ANKRD24: variants seen among roughly 807,000 people sequenced by gnomAD.
The protein encoded by ANKRD24 is ankyrin repeat domain-containing protein 24.
A neutral mutation model predicts 127.8 loss-of-function variants in ANKRD24; 109 were observed. The ratio of observed to expected loss-of-function variants is 0.85; its 90% CI spans 0.73 to 1.00. The LOEUF is 1.00. Among genes scored for constraint, ANKRD24 ranks in the 50% least tolerant of loss-of-function variants. The pLI is 0.00. For missense variants in ANKRD24, 1,648 were observed against 1,570.2 expected, an observed-to-expected ratio of 1.05 and a Z score of -0.84; for synonymous variants, 743 against 671.1, an observed-to-expected ratio of 1.11 and a Z score of -1.66.
rs1970215887 is a variant in ANKRD24, at chr19:4,217,967, T to G, written c.2807T>G (p.Leu936Arg). 1 of 1,516,686 alleles carries G rather than the reference T, an allele frequency of 6.6e-7. No homozygotes were observed. The highest frequency in any genetic ancestry group is 8.8e-7 in the Non-Finnish European group (1 of 1,139,868). 94.0% of individuals were successfully genotyped at this position (1,516,686 alleles called of 1,614,324 possible). A position where few individuals can be genotyped will look rare whatever the true frequency, so the allele number is the denominator to read the frequency against. ...GAGCTGCGGGGCCGGGCAGCCAGTC[T>G]GGAGCAGGAGGTGGTGGCCACGGGC... ...ALELRGRAAS[L>R]EQEVVATGKE... is the part of the protein sequence containing the mutation. Residue 936 changes from leucine (L) to arginine (R), a missense_variant, in exon 18 of 22, where the codon CTG (leucine) becomes CGG (arginine). By Grantham distance (102) the Leu-to-Arg change is moderately radical. Coordinates refer to ENST00000318934, the MANE Select transcript of ANKRD24 (RefSeq NM_001393985.1).
intron 18 of ANKRD24, 120 bp downstream of exon 18, chr19:4,218,283 T>TTTTTTTTATTTATTTATTTA (rs1970243081): frequency 3.0e-6 from 2 of 658,082 alleles, no homozygotes; most frequent in African/African-American, 3.9e-5. Context: ...ACCTACTTTA[T>TTTTTTTTATTTATTTATTTA]TTTATTTATT....
intron 2 of ANKRD24, among the ~76,000 whole-genome samples, 155 bp downstream of exon 2, chr19:4,186,616 C>T (rs765624617): frequency 6.6e-6 from 1 of 152,120 alleles, no homozygotes; most frequent in Non-Finnish European, 1.5e-5. Context: ...CACTGCTCCC[C>T]GTACAAGCTT....
Position 4,210,377 on chromosome 19 carries a change from G to A in ANKRD24, c.1059+5G>A. The A allele has an allele frequency of 6.5e-7, 1 of 1,529,950 alleles. No homozygotes were observed. The highest frequency in any genetic ancestry group is 8.8e-7 in the Non-Finnish European group (1 of 1,140,156). 94.8% of individuals were successfully genotyped at this position (1,529,950 alleles called of 1,614,324 possible). A position where few individuals can be genotyped will look rare whatever the true frequency, so the allele number is the denominator to read the frequency against. ...AAGGAACGGAGGCAGCAGGAGGTTA[G>A]GAGGCCTCGGAGATTTGGGCGTGGG... On this transcript the variant is annotated splice_donor_5th_base_variant and intron_variant, in intron 13 of 21. Coordinates refer to ENST00000318934, the MANE Select transcript of ANKRD24 (RefSeq NM_001393985.1).
chr19:4,218,753 C>CTTT (rs556461670), intron 18 of ANKRD24, among the ~76,000 whole-genome samples: 166 of 110,220 alleles, frequency 1.5e-3, no homozygotes, highest in African/African-American at 5.7e-3. Context: ...CCCTTCCTTT[C>CTTT]TTTTTTTTTT....
chr19:4,217,855 C>T lies in ANKRD24; in HGVS notation c.2695C>T (p.Leu899=). 1 of 1,452,030 alleles carries T rather than the reference C, an allele frequency of 6.9e-7. No individual in the cohort carries two copies. The highest frequency in any genetic ancestry group is 9.0e-7 in the Non-Finnish European group (1 of 1,108,602). The allele number at this position is 1,452,030 out of a possible 1,614,324, so 89.9% of individuals were successfully genotyped here. The change falls in exon 18 of 22, where the codon CTG becomes TTG. Residue 899 remains leucine, a synonymous_variant. Transcript: ENST00000318934. The part of the protein sequence containing the change: ...PAACEEARQG[L]AELREASEAL... ...GGCCTGCGAGGAGGCGCGGCAGGGC[C>T]TGGCCGAGCTGCGGGAGGCCTCCGA...
At chr19:4,191,607 G>A (rs943075431) in intron 2 of ANKRD24, among the ~76,000 whole-genome samples, 3 of 151,404 alleles carry the variant, frequency 2.0e-5, no homozygotes, top group African/African-American at 7.3e-5. Flanking sequence ...TCAGCCTCCC[G>A]TGTAGCTGGG....
At chr19:4,219,290 A>C (rs2145413270) in intron 18 of ANKRD24, among the ~76,000 whole-genome samples, 1 of 151,664 alleles carries the variant, frequency 6.6e-6, no homozygotes, top group Non-Finnish European at 1.5e-5. Flanking sequence ...TGTCTCAAAA[A>C]AAAACAAAAA....
At chr19:4,209,981 TG>T in intron 11 of ANKRD24, 76 bp from the exon 12 acceptor site, 1 of 801,832 alleles carries the variant, frequency 1.2e-6, no homozygotes, top group Non-Finnish European at 2.1e-6. Context: ...TGGGGCTGGC[TG>T]GGTTGGTTTA....
At chr19:4,215,204 G>C (rs1219262887) in intron 15 of ANKRD24, among the ~76,000 whole-genome samples, 1 of 152,144 alleles carries the variant, frequency 6.6e-6, no homozygotes, top group African/African-American at 2.4e-5. Flanking sequence ...TTAAAAATGG[G>C]GGCAGGCTCG....
chr19:4,207,270 GGT>G lies in ANKRD24; in HGVS notation c.497_498del (p.Val166AlafsTer5). 6.2e-7 allele frequency: 1 copy of G among 1,613,738 alleles called. No individual in the cohort carries two copies. ...AAGGCLSCSE[V>X]LCSFKAHLNP... ...CTGGTGGCTGTCTCTCCTGCTCAGA[GGT>G]GCTCTGCTCCTTTAAGGCACATCTA... is the stretch of plus-strand genomic sequence containing the variant. On this transcript the variant is annotated frameshift_variant, in exon 8 of 22. Coordinates refer to ENST00000318934, the MANE Select transcript of ANKRD24 (RefSeq NM_001393985.1). LOFTEE classifies it high-confidence loss of function.
rs185442293 is a variant in ANKRD24 at position 4,185,275 on chromosome 19, C to T, written c.-36-1115C>T. On this transcript the variant is annotated intron_variant, in intron 1 of 21. Coordinates refer to ENST00000318934, the MANE Select transcript of ANKRD24 (RefSeq NM_001393985.1). ...ATCTGATTAAAGGGTGATGAAGAACCATGAGAACATGAATTGGGTGGGTGG... is the reference window on the plus strand; with the variant it reads ...ATCTGATTAAAGGGTGATGAAGAACTATGAGAACATGAATTGGGTGGGTGG... 6.8e-4 allele frequency among the ~76,000 whole-genome samples: 101 copies of T among 149,618 alleles called. 2 individuals are homozygous for T. Among genetic ancestry groups the T allele is most frequent in the Middle Eastern group, 6.9e-3 (2 of 290 alleles).
At chr19:4,221,296 C>T (rs751314723) in intron 19 of ANKRD24, among the ~76,000 whole-genome samples, 97 of 152,054 alleles carry the variant, frequency 6.4e-4, no homozygotes, top group Non-Finnish European at 8.1e-4. Flanking sequence ...AGGCTGGTCT[C>T]GAACTCCCGA....
chr19:4,201,929 A>T, intron 5 of ANKRD24, 97 bp from the exon 6 acceptor site: 1 of 1,064,110 alleles, frequency 9.4e-7, no homozygotes, highest in South Asian at 1.3e-5. Context: ...ACTTTGCTAG[A>T]CTCAGAAACT....
At position 4,199,149 on chromosome 19, in the gene ANKRD24, C is replaced by T. The variant is rs1207664990; in HGVS notation, c.37-534C>T. Among the ~76,000 whole-genome samples, 1 of 151,904 alleles carries T rather than the reference C, an allele frequency of 6.6e-6. No individual in the cohort carries two copies. The highest frequency in any genetic ancestry group is 2.4e-5 in the African/African-American group (1 of 41,344). ...CATTTAAAGGGGACTTTTAGGGGTT[C>T]AGATGGGACTTTGGAGGGTAGTTTG... On this transcript the variant is annotated intron_variant, in intron 2 of 21. Coordinates refer to ENST00000318934, the MANE Select transcript of ANKRD24 (RefSeq NM_001393985.1). This position sits in a 1 kb window ranked among gnomAD's most constrained non-coding sequence, Gnocchi z 5.2.
rs1022299304 is a variant in ANKRD24, at chr19:4,198,626, C to A, written c.37-1057C>A. The stretch of plus-strand genomic sequence containing the variant: ...CCCCGGCTGACCTGGACCACCCCCC[C>A]ATTCCAGACCCGGGAAAGATGGTCG... On this transcript the variant is annotated intron_variant, in intron 2 of 21. Coordinates refer to ENST00000318934, the MANE Select transcript of ANKRD24 (RefSeq NM_001393985.1). This position sits in a 1 kb window ranked among gnomAD's most constrained non-coding sequence, Gnocchi z 6.1. 3.2e-5 allele frequency: 13 copies of A among 407,968 alleles called. No homozygotes were observed. Among genetic ancestry groups the A allele is most frequent in the African/African-American group, 1.2e-4 (6 of 48,320 alleles). The allele number at this position is 407,968 out of a possible 1,614,324, so 25.3% of individuals were successfully genotyped here.
Position 4,216,832 on chromosome 19 carries a change from G to T in ANKRD24, c.1672G>T (p.Gly558Ter), listed in dbSNP as rs61738959. 6.2e-7 allele frequency: 1 copy of T among 1,609,758 alleles called. No homozygotes were observed. The highest frequency in any genetic ancestry group is 1.7e-5 in the Admixed American group (1 of 59,282). Residue 558 changes from glycine to a stop codon, truncating the protein, a stop_gained, in exon 18 of 22, where the codon GGA (glycine) becomes TGA (stop). Transcript: ENST00000318934. LOFTEE classifies it high-confidence loss of function. ...GSVAPETKVN[G>*]AETIDEEAAG... Reference sequence around the variant, plus strand: ...AGTGGCTCCAGAAACCAAAGTTAACGGAGCCGAGACCATAGATGAGGAGGC... The same window carrying T: ...AGTGGCTCCAGAAACCAAAGTTAACTGAGCCGAGACCATAGATGAGGAGGC...
intron 2 of ANKRD24, among the ~76,000 whole-genome samples, chr19:4,192,656 C>T (rs1024735463): frequency 3.3e-5 from 5 of 151,950 alleles, no homozygotes; most frequent in South Asian, 4.2e-4. Flanking sequence ...ACAAGCTGGG[C>T]GCAGTGGCTC....
At chr19:4,205,130 C>T (rs868598552) in intron 7 of ANKRD24, among the ~76,000 whole-genome samples, 3 of 152,074 alleles carry the variant, frequency 2.0e-5, no homozygotes, top group Non-Finnish European at 4.4e-5. Context: ...CCCAGCTACT[C>T]GGGAGGCTGA....
chr19:4,203,011 T>C, intron 7 of ANKRD24, 85 bp downstream of exon 7: 1 of 1,146,900 alleles, frequency 8.7e-7, no homozygotes, highest in Non-Finnish European at 1.2e-6. Flanking sequence ...CCTAGGGACC[T>C]GACCTGCTGT....
Sources: gnomAD v4.1 joint callset for allele counts (sites outside exome capture counted in the v4.1 genomes callset) on GRCh38, gnomAD v4.1.1 for gene constraint, Gnocchi (gnomAD v3.1) non-coding constraint, MANE v1.5 for transcripts, NCBI Gene and HGNC (gene_info 2026-07-23, HGNC 2026-07-21) for gene names.